The following ACBD6 variants were observed in gnomAD, a reference collection of about 807,000 sequenced individuals.
ACBD6 encodes acyl-CoA-binding domain-containing protein 6.
Under a neutral mutation model 37.2 loss-of-function variants are expected in ACBD6, and 28 were observed. The observed-to-expected ratio is 0.75, with a 90% CI of 0.56 to 1.03. The LOEUF (loss-of-function observed/expected upper bound fraction) is 1.03, where lower values mean the gene tolerates loss of function less well. ACBD6 is among the 50% of genes least tolerant of loss of function. The pLI is 0.00. For synonymous variants in ACBD6, 113 were observed against 126.8 expected (o/e 0.89, Z 0.73); for missense variants, 340 against 337.4 (o/e 1.01, Z -0.06).
intron 3 of ACBD6, among the ~76,000 whole-genome samples, chr1:180,464,753 G>A (rs1404975443): frequency 1.3e-5 from 2 of 151,972 alleles, no homozygotes; most frequent in African/African-American, 4.8e-5. Flanking sequence ...AAAGAAAAAA[G>A]CCAGAGAAAT....
intron 1 of ACBD6, 99 bp downstream of exon 1, chr1:180,501,946 C>T (rs1324672866): frequency 8.9e-6 from 10 of 1,124,754 alleles, no homozygotes; most frequent in Non-Finnish European, 1.1e-5. Flanking sequence ...ACACAAGCTT[C>T]ATTACACCTA....
At chr1:180,401,656 G>A (rs1262591860) in intron 5 of ACBD6, among the ~76,000 whole-genome samples, 1 of 151,588 alleles carries the variant, frequency 6.6e-6, no homozygotes, top group Non-Finnish European at 1.5e-5. Context: ...GTGGTGGTGC[G>A]CGTGCCTGTA....
intron 6 of ACBD6, among the ~76,000 whole-genome samples, chr1:180,335,542 A>G (rs1276375415): frequency 6.6e-6 from 1 of 152,214 alleles, no homozygotes; most frequent in Non-Finnish European, 1.5e-5. Context: ...AACAGGTACC[A>G]GCCACTGCAA....
At chr1:180,272,100 T>C (rs1648707628) in intron 13 of ACBD6, 1 of 1,143,696 alleles carries the variant, frequency 8.7e-7, no homozygotes. Flanking sequence ...TCTTGAGGCC[T>C]TGGCAACTCC....
chr1:180,457,511 T>C (rs1339118887), intron 3 of ACBD6, among the ~76,000 whole-genome samples: 1 of 151,980 alleles, frequency 6.6e-6, no homozygotes, highest in Non-Finnish European at 1.5e-5. Context: ...TAGGAAAAAA[T>C]TAGATCTCCC....
chr1:180,331,354 G>C (rs1238062697), intron 6 of ACBD6, among the ~76,000 whole-genome samples: 1 of 152,158 alleles, frequency 6.6e-6, no homozygotes, highest in Non-Finnish European at 1.5e-5. Flanking sequence ...AAATAACTTA[G>C]ATAGCCATTT....
At chr1:180,365,585 A>T (rs1180206710) in intron 6 of ACBD6, among the ~76,000 whole-genome samples, 1 of 152,212 alleles carries the variant, frequency 6.6e-6, no homozygotes, top group Non-Finnish European at 1.5e-5. Flanking sequence ...AATAATTGCT[A>T]TGTATATAAC....
chr1:180,430,118 C>G (rs1648754117), intron 4 of ACBD6, 62 bp downstream of exon 4: 1 of 1,416,846 alleles, frequency 7.1e-7, no homozygotes, highest in Non-Finnish European at 9.9e-7. Flanking sequence ...CACATACATA[C>G]AAACACATGC....
intron 6 of ACBD6, among the ~76,000 whole-genome samples, chr1:180,394,774 C>T (rs1654200457): frequency 6.6e-6 from 1 of 152,020 alleles, no homozygotes; most frequent in African/African-American, 2.4e-5. Flanking sequence ...AAAGTTGGCA[C>T]CATCTGGACA....
intron 6 of ACBD6, among the ~76,000 whole-genome samples, chr1:180,346,547 G>A (rs972389646): frequency 4.6e-5 from 7 of 152,118 alleles, no homozygotes; most frequent in African/African-American, 1.7e-4. Context: ...AACTGCCTAA[G>A]GAGAGGGATG....
At position 180,380,540 on chromosome 1, in the gene ACBD6, G is replaced by A. The variant is rs142459905; in HGVS notation, c.663+16976C>T. Among the ~76,000 whole-genome samples the A allele has an allele frequency of 9.5e-4, 144 of 152,004 alleles. 1 individual carries two copies. The highest frequency in any genetic ancestry group is 2.1e-3 in the Admixed American group (32 of 15,276). ...CAAGCAAAAGCTGAGGGAATTCATC[G>A]CCCTAGACTGGTCCTACAAGACATG... On this transcript the variant is annotated intron_variant, in intron 6 of 7. Coordinates refer to ENST00000367595, the MANE Select transcript of ACBD6 (RefSeq NM_032360.4).
intron 3 of ACBD6, chr1:180,435,826 A>G: frequency 9.6e-7 from 1 of 1,037,510 alleles, no homozygotes; most frequent in African/African-American, 1.6e-5. Flanking sequence ...TGATGGGTTT[A>G]GGATACACTC....
chr1:180,286,736 C>T (rs1188404138), downstream of ACBD6, among the ~76,000 whole-genome samples: 1 of 152,120 alleles, frequency 6.6e-6, no homozygotes, highest in African/African-American at 2.4e-5. Context: ...AAAAATGAAT[C>T]ATCTTGGTGA....
chr1:180,390,634 A>G (rs569542867), intron 6 of ACBD6, among the ~76,000 whole-genome samples: 1 of 152,296 alleles, frequency 6.6e-6, no homozygotes, highest in East Asian at 1.9e-4. Context: ...CCTACCCATG[A>G]GCATGGAATG....
At chr1:180,490,256 T>A (rs1198954209) in intron 3 of ACBD6, among the ~76,000 whole-genome samples, 1 of 152,222 alleles carries the variant, frequency 6.6e-6, no homozygotes, top group Non-Finnish European at 1.5e-5. Context: ...TTTTCAGATT[T>A]TAAGCCCTCA....
At position 180,487,969 on chromosome 1, in the gene ACBD6, T is replaced by TC. The variant is rs367606912; in HGVS notation, c.384+4299dup. Among the ~76,000 whole-genome samples, 573 of 152,252 alleles carry TC rather than the reference T, an allele frequency of 3.8e-3. 2 individuals carry two copies. Among genetic ancestry groups the TC allele is most frequent in the Middle Eastern group, 0.014 (4 of 294 alleles). On this transcript the variant is annotated intron_variant, in intron 3 of 7. Coordinates refer to ENST00000367595, the MANE Select transcript of ACBD6 (RefSeq NM_032360.4). ...TACTCACTGGGGGTCTTGGAACGTA[T>TC]CCCCTGATAAGGAGGGACCACTGCA... is the stretch of plus-strand genomic sequence containing the variant.
chr1:180,358,363 G>A (rs1310227500), intron 6 of ACBD6, among the ~76,000 whole-genome samples: 1 of 152,084 alleles, frequency 6.6e-6, no homozygotes, highest in Non-Finnish European at 1.5e-5. Context: ...GGAGGCGGGG[G>A]TTGCGGTGAG....
intron 3 of ACBD6, among the ~76,000 whole-genome samples, chr1:180,455,610 T>C (rs529480154): frequency 2.0e-3 from 303 of 152,318 alleles, no homozygotes; most frequent in South Asian, 3.3e-3. Context: ...AAGGTAGGTT[T>C]GATTTGCTGA....
At chr1:180,410,735 G>A (rs1294360519) in intron 5 of ACBD6, among the ~76,000 whole-genome samples, 1 of 151,962 alleles carries the variant, frequency 6.6e-6, no homozygotes, top group African/African-American at 2.4e-5. Flanking sequence ...GAGTGCTCAT[G>A]GAAATGTATA....
Sources: allele counts gnomAD v4.1 joint callset (sites outside exome capture counted in the v4.1 genomes callset), GRCh38; gene constraint gnomAD v4.1.1; transcripts MANE v1.5; gene names NCBI Gene and HGNC (gene_info 2026-07-23, HGNC 2026-07-21).